RASGRF2: variants seen among roughly 807,000 people sequenced by gnomAD.
The protein encoded by RASGRF2 is ras-specific guanine nucleotide-releasing factor 2.
Under a neutral mutation model 151.0 loss-of-function variants are expected in RASGRF2, and 76 were observed. The observed-to-expected ratio is 0.50, with a 90% confidence interval of 0.42 to 0.61. The LOEUF is 0.61. RASGRF2 is among the 20% of genes least tolerant of loss of function. The probability of loss-of-function intolerance (pLI) is 0.00; values close to 1 mark genes in which losing one functional copy is unlikely to be tolerated. For missense variants in RASGRF2, 1,148 were observed against 1,564.6 expected, an observed-to-expected ratio of 0.73 and a Z score of 4.49; for synonymous variants, 504 against 566.5, an observed-to-expected ratio of 0.89 and a Z score of 1.57.
intron 7 of RASGRF2, 96 bp downstream of exon 7, chr5:81,080,885 G>C: frequency 8.6e-7 from 1 of 1,163,276 alleles, no homozygotes; most frequent in Non-Finnish European, 1.2e-6. Flanking sequence ...GTGTGCCCTG[G>C]GAGGAATTAT....
chr5:81,225,542 CAT>C (rs1221971903), intron 26 of RASGRF2, 134 bp from the exon 27 acceptor site: 35 of 839,456 alleles, frequency 4.2e-5, no homozygotes, highest in African/African-American at 5.8e-5. Context: ...ACAATGGAAA[CAT>C]ATTTATGATT....
chr5:81,011,640 CTG>C (rs1260587910), intron 1 of RASGRF2, among the ~76,000 whole-genome samples: 1 of 152,012 alleles, frequency 6.6e-6, no homozygotes, highest in Admixed American at 6.6e-5. Context: ...ACTCGGGAGA[CTG>C]AGGCAGGAGA....
intron 1 of RASGRF2, among the ~76,000 whole-genome samples, chr5:80,994,323 A>C (rs529333616): frequency 7.0e-6 from 1 of 143,204 alleles, no homozygotes; most frequent in Non-Finnish European, 1.5e-5. Flanking sequence ...CCGAGATTGC[A>C]CCACTGCACT....
At position 80,998,518 on chromosome 5, in the gene RASGRF2, T is replaced by C. The variant is rs920352154; in HGVS notation, c.288+37492T>C. 3.9e-5 allele frequency among the ~76,000 whole-genome samples: 6 copies of C among 152,238 alleles called. No individual in the cohort carries two copies. In the East Asian group the frequency reaches 1.2e-3, roughly 29 times the overall value. On this transcript the variant is annotated intron_variant, in intron 1 of 26. Coordinates refer to ENST00000265080, the MANE Select transcript of RASGRF2 (RefSeq NM_006909.3). ...TGTGATTCCAACACCACAGCTTCTT[T>C]ATCTTTAAGAAATGAGTTTAAATAC...
intron 1 of RASGRF2, among the ~76,000 whole-genome samples, chr5:81,027,238 T>C (rs2112351831): frequency 6.6e-6 from 1 of 152,312 alleles, no homozygotes; most frequent in Non-Finnish European, 1.5e-5. Flanking sequence ...ACTATGGGCT[T>C]TAGTTAATAA....
chr5:81,104,438 TTAAAAAA>T (rs1752788975), intron 12 of RASGRF2, among the ~76,000 whole-genome samples: 1 of 152,104 alleles, frequency 6.6e-6, no homozygotes, highest in Non-Finnish European at 1.5e-5. Flanking sequence ...AATAATTTAT[TTAAAAAA>T]TAAATAGCTT....
intron 1 of RASGRF2, among the ~76,000 whole-genome samples, chr5:81,027,012 AT>A (rs889268751): frequency 2.0e-5 from 3 of 152,078 alleles, no homozygotes; most frequent in Non-Finnish European, 4.4e-5. Context: ...CCTGCTTCTT[AT>A]TTTTTCCCCA....
intron 2 of RASGRF2, among the ~76,000 whole-genome samples, chr5:81,060,232 A>T (rs1481308885): frequency 6.6e-6 from 1 of 152,102 alleles, no homozygotes; most frequent in Non-Finnish European, 1.5e-5. Context: ...GGTGTGACAC[A>T]GATCTAAACC....
At chr5:81,059,371 G>A (rs562358963) in intron 2 of RASGRF2, among the ~76,000 whole-genome samples, 2 of 137,592 alleles carry the variant, frequency 1.5e-5, no homozygotes, top group Admixed American at 7.6e-5. Context: ...GTGACAGAGC[G>A]AGACTCCGCC....
chr5:80,996,006 T>C (rs997076991), intron 1 of RASGRF2, among the ~76,000 whole-genome samples: 2 of 152,200 alleles, frequency 1.3e-5, no homozygotes, highest in African/African-American at 4.8e-5. Flanking sequence ...AACCATTGTT[T>C]CTTGACAGTA....
rs1755781692 is a variant in RASGRF2 at position 81,218,032 on chromosome 5, GCACCTGGCGAC to G, written c.3552+562_3552+572del. Among the ~76,000 whole-genome samples, 3 of 152,072 alleles carry G rather than the reference GCACCTGGCGAC, an allele frequency of 2.0e-5. No individual in the cohort carries two copies. The South Asian group carries it at 6.2e-4, about 32-fold the overall frequency. On this transcript the variant is annotated intron_variant, in intron 25 of 26. Coordinates refer to ENST00000265080, the MANE Select transcript of RASGRF2 (RefSeq NM_006909.3). ...GCTAGGATTACAGGAGTGAGCTACC[GCACCTGGCGAC>G]CAGCTAATTTTTATATCTTTAGTAG...
chr5:81,078,442 C>T (rs912950048), intron 5 of RASGRF2, among the ~76,000 whole-genome samples: 1 of 152,234 alleles, frequency 6.6e-6, no homozygotes, highest in Admixed American at 6.5e-5. Flanking sequence ...ATTCTATTCA[C>T]TACCTCCATG....
intron 2 of RASGRF2, among the ~76,000 whole-genome samples, chr5:81,053,772 T>C (rs1751101785): frequency 6.6e-6 from 1 of 152,184 alleles, no homozygotes; most frequent in Admixed American, 6.5e-5. Context: ...TTTCTCCACA[T>C]CCTCTCCAGC....
At chr5:81,219,599 G>A in intron 25 of RASGRF2, 111 bp from the exon 26 acceptor site, 3 of 808,832 alleles carry the variant, frequency 3.7e-6, no homozygotes, top group South Asian at 3.5e-5. Context: ...CCTCACTGGA[G>A]GAAGGGACTG....
intron 17 of RASGRF2, among the ~76,000 whole-genome samples, chr5:81,147,299 T>G (rs1196578969): frequency 6.6e-6 from 1 of 152,200 alleles, no homozygotes; most frequent in African/African-American, 2.4e-5. Context: ...CGAAACACTT[T>G]CTTCCTCTGG....
chr5:81,046,115 GAT>G (rs1261492998), intron 2 of RASGRF2, among the ~76,000 whole-genome samples: 4 of 152,048 alleles, frequency 2.6e-5, no homozygotes, highest in Admixed American at 2.6e-4. Context: ...TTTAGCATGA[GAT>G]GTTCTTTTCT....
intron 26 of RASGRF2, among the ~76,000 whole-genome samples, chr5:81,222,197 A>G (rs969772880): frequency 2.6e-5 from 4 of 152,166 alleles, no homozygotes; most frequent in African/African-American, 7.2e-5. Flanking sequence ...ATACACATCT[A>G]TTTATAAATA....
At chr5:81,025,922 C>T (rs1457801000) in intron 1 of RASGRF2, among the ~76,000 whole-genome samples, 1 of 152,050 alleles carries the variant, frequency 6.6e-6, no homozygotes, top group Non-Finnish European at 1.5e-5. Flanking sequence ...TTTTTTTGCA[C>T]GATTAAACAA....
At chr5:81,207,454 T>C (rs1430799375) in intron 21 of RASGRF2, 105 bp downstream of exon 21, 2 of 900,442 alleles carry the variant, frequency 2.2e-6, no homozygotes, top group Non-Finnish European at 3.4e-6. Context: ...CCTCAGTTCC[T>C]GTGTGAGTAT....
Sources: gnomAD v4.1 joint callset for allele counts (sites outside exome capture counted in the v4.1 genomes callset) on GRCh38, gnomAD v4.1.1 for gene constraint, MANE v1.5 for transcripts, NCBI Gene and HGNC (gene_info 2026-07-23, HGNC 2026-07-21) for gene names.